The following BIRC6 variants were observed in gnomAD, a reference collection of about 807,000 sequenced individuals.
BIRC6 encodes dual E2 ubiquitin-conjugating enzyme/E3 ubiquitin-protein ligase BIRC6.
BIRC6 carries 98 observed loss-of-function variants against 503.3 expected under a neutral mutation model. The observed-to-expected ratio is 0.19, with a 90% confidence interval of 0.17 to 0.23. BIRC6 has a LOEUF of 0.23. Among genes scored for constraint, BIRC6 ranks in the 10% least tolerant of loss-of-function variants. The probability of loss-of-function intolerance (pLI) is 1.00; values close to 1 mark genes in which losing one functional copy is unlikely to be tolerated. For missense variants in BIRC6, 5,360 were observed against 5,806.0 expected (o/e 0.92, Z 2.50); for synonymous variants, 2,240 against 2,078.7 (o/e 1.08, Z -2.11).
intron 26 of BIRC6, 82 bp from the exon 27 acceptor site, chr2:32,467,443 A>G (rs1558809210): frequency 2.8e-6 from 3 of 1,090,178 alleles, no homozygotes; most frequent in Middle Eastern, 2.7e-4. Context: ...ATATTTTAAG[A>G]TGAGTGCTCC....
chr2:32,419,069 T>A (rs540134237), intron 10 of BIRC6, among the ~76,000 whole-genome samples: 3 of 152,326 alleles, frequency 2.0e-5, no homozygotes, highest in African/African-American at 7.2e-5. Flanking sequence ...TGATGAAAGA[T>A]AAGAAAAACC....
intron 8 of BIRC6, among the ~76,000 whole-genome samples, chr2:32,406,042 A>G (rs570245852): frequency 2.6e-5 from 4 of 152,234 alleles, no homozygotes; most frequent in South Asian, 4.1e-4. Flanking sequence ...TACTCTTTAT[A>G]TATCATTTAA....
chr2:32,456,991 G>A (rs1306285759), intron 23 of BIRC6, among the ~76,000 whole-genome samples: 2 of 151,964 alleles, frequency 1.3e-5, no homozygotes, highest in Admixed American at 1.3e-4. Flanking sequence ...TCTTGGGCTC[G>A]AATGTCCCTC....
chr2:32,540,587 T>G (rs1223873643), intron 61 of BIRC6, among the ~76,000 whole-genome samples: 2 of 152,072 alleles, frequency 1.3e-5, no homozygotes, highest in Non-Finnish European at 2.9e-5. Context: ...CAAGTGAATA[T>G]AATACTTTAA....
chr2:32,617,490 A>G (rs1007455229), intron 73 of BIRC6, among the ~76,000 whole-genome samples: 1 of 152,176 alleles, frequency 6.6e-6, no homozygotes, highest in African/African-American at 2.4e-5. Flanking sequence ...GGTAGGATCT[A>G]CTGGTGGGTT....
Position 32,543,309 on chromosome 2 carries a change from G to C in BIRC6, c.12360G>C (p.Val4120=). The C allele has an allele frequency of 6.2e-7, 1 of 1,613,996 alleles. No individual in the cohort carries two copies. The highest frequency in any genetic ancestry group is 8.5e-7 in the Non-Finnish European group (1 of 1,179,892). The change falls in exon 62 of 74, where the codon GTG becomes GTC. Residue 4120 remains valine, a synonymous_variant. Transcript: ENST00000421745. ...KPKDSDQFEW[V]TIEQSGELVY... The stretch of plus-strand genomic sequence containing the variant: ...AGGATAGCGATCAGTTTGAATGGGT[G>C]ACCATTGAACAGTCAGGGGAGTTAG...
intron 16 of BIRC6, among the ~76,000 whole-genome samples, chr2:32,441,014 C>T (rs988030665): frequency 2.6e-5 from 4 of 152,072 alleles, no homozygotes; most frequent in African/African-American, 4.8e-5. Context: ...TCTGCCTCGG[C>T]CTCCCAAAGC....
intron 72 of BIRC6, among the ~76,000 whole-genome samples, chr2:32,608,969 T>A (rs1210074026): frequency 1.3e-5 from 2 of 151,944 alleles, no homozygotes; most frequent in African/African-American, 4.8e-5. Context: ...ACCCTCCGCC[T>A]CCCCGGTTCA....
chr2:32,518,956 A>C lies in BIRC6; in HGVS notation c.11623+10A>C. 2 of 1,611,148 alleles carry C rather than the reference A, an allele frequency of 1.2e-6. No homozygotes were observed. Among genetic ancestry groups the C allele is most frequent in the Non-Finnish European group, 1.7e-6 (2 of 1,178,040 alleles). ...CTTGACAGAGTGTCAGGCAAGTCAG[A>C]TTTAAGTATTAGTTTTTGTTTAACT... is the stretch of plus-strand genomic sequence containing the variant. On this transcript the variant is annotated intron_variant, in intron 57 of 73. Coordinates refer to ENST00000421745, the MANE Select transcript of BIRC6 (RefSeq NM_016252.4).
chr2:32,468,226 G>T (rs2048762662), intron 28 of BIRC6, 115 bp downstream of exon 28: 3 of 1,131,068 alleles, frequency 2.7e-6, no homozygotes, highest in Non-Finnish European at 3.7e-6. Context: ...GAGAGCAAGA[G>T]GAAGTAGGAG....
chr2:32,431,213 T>TTTTTTG (rs1296958631), intron 12 of BIRC6, 123 bp downstream of exon 12: 1 of 510,402 alleles, frequency 2.0e-6, no homozygotes, highest in Non-Finnish European at 3.1e-6. Context: ...TTTTTTTTTT[T>TTTTTTG]GAGACAGAGT....
At chr2:32,447,581 C>A (rs1329912294) in intron 21 of BIRC6, among the ~76,000 whole-genome samples, 2 of 101,858 alleles carry the variant, frequency 2.0e-5, no homozygotes, top group African/African-American at 8.4e-5. Flanking sequence ...ACCTCCCGGA[C>A]GGGGCGGCTG....
chr2:32,593,040 T>G (rs923801582), intron 66 of BIRC6, among the ~76,000 whole-genome samples: 1 of 152,240 alleles, frequency 6.6e-6, no homozygotes, highest in African/African-American at 2.4e-5. Flanking sequence ...GATGTATAGT[T>G]TAGATCATAC....
chr2:32,418,584 G>A (rs2042617785), intron 10 of BIRC6, among the ~76,000 whole-genome samples: 2 of 152,162 alleles, frequency 1.3e-5, no homozygotes, highest in African/African-American at 4.8e-5. Context: ...TTAACTTGCT[G>A]TAGGTCATCT....
chr2:32,587,356 C>G (rs2061105977), intron 66 of BIRC6, among the ~76,000 whole-genome samples: 2 of 152,150 alleles, frequency 1.3e-5, no homozygotes, highest in South Asian at 4.2e-4. Flanking sequence ...CACTGCCCTC[C>G]AACCTGGGCA....
At chr2:32,602,969 T>C (rs1394865137) in intron 70 of BIRC6, 37 bp from the exon 71 acceptor site, 4 of 1,563,098 alleles carry the variant, frequency 2.6e-6, no homozygotes, top group Non-Finnish European at 3.5e-6. Context: ...TTAAGCACTC[T>C]TTTTTCAATT....
At chr2:32,492,030 C>T (rs1200083784) in intron 44 of BIRC6, among the ~76,000 whole-genome samples, 1 of 152,038 alleles carries the variant, frequency 6.6e-6, no homozygotes, top group Non-Finnish European at 1.5e-5. Flanking sequence ...TCCTTTATAT[C>T]AATTTAATTT....
intron 71 of BIRC6, among the ~76,000 whole-genome samples, chr2:32,604,858 TTTTTTTC>T (rs149971876): frequency 0.034 from 5,117 of 151,552 alleles, 129 homozygotes; most frequent in African/African-American, 0.072. Context: ...GCAATAGTTA[TTTTTTTC>T]TTTTTTCTTT....
intron 13 of BIRC6, 189 bp from the exon 14 acceptor site, chr2:32,435,307 T>A (rs1261689526): frequency 9.4e-6 from 2 of 212,608 alleles, no homozygotes; most frequent in African/African-American, 2.4e-5. Flanking sequence ...ATAAAACAAT[T>A]GAATCAAAAT....
Sources: gnomAD v4.1 joint callset for allele counts (sites outside exome capture counted in the v4.1 genomes callset) on GRCh38, gnomAD v4.1.1 for gene constraint, MANE v1.5 for transcripts, NCBI Gene and HGNC (gene_info 2026-07-23, HGNC 2026-07-21) for gene names.